Variants in CCNY observed in about 807,000 individuals in gnomAD.
CCNY encodes cyclin-Y.
In CCNY, 19 loss-of-function variants were observed where a neutral mutation model predicts 42.8. That is an observed-to-expected ratio of 0.44 (90% CI 0.31 to 0.65). The LOEUF (loss-of-function observed/expected upper bound fraction) is 0.65, where lower values mean the gene tolerates loss of function less well. Ranked by LOEUF, CCNY falls within the 30% of genes least tolerant of loss-of-function variation. The probability of loss-of-function intolerance (pLI) is 0.07; values close to 1 mark genes in which losing one functional copy is unlikely to be tolerated. For missense variants in CCNY, 370 were observed against 437.3 expected, an observed-to-expected ratio of 0.85 and a Z score of 1.37; for synonymous variants, 165 against 162.7, an observed-to-expected ratio of 1.01 and a Z score of -0.11.
intron 1 of CCNY, among the ~76,000 whole-genome samples, chr10:35,380,108 G>A (rs566537563): frequency 6.6e-6 from 1 of 152,174 alleles, no homozygotes; most frequent in South Asian, 2.1e-4. Context: ...TTTTGGAAGC[G>A]AGTAGGACTT....
chr10:35,396,048 G>A (rs986226463), intron 1 of CCNY, among the ~76,000 whole-genome samples: 3 of 152,138 alleles, frequency 2.0e-5, no homozygotes, highest in Non-Finnish European at 4.4e-5. Context: ...CTCTGTGAAT[G>A]GTGGGCTCCA....
At chr10:35,316,652 C>T (rs1366127242) in intron 3 of CCNY, among the ~76,000 whole-genome samples, 1 of 151,824 alleles carries the variant, frequency 6.6e-6, no homozygotes, top group Non-Finnish European at 1.5e-5. Context: ...GGATATCCAG[C>T]CAAAAAAAAG....
At chr10:35,340,705 T>C (rs1211007259) in intron 1 of CCNY, among the ~76,000 whole-genome samples, 3 of 152,114 alleles carry the variant, frequency 2.0e-5, no homozygotes, top group Non-Finnish European at 2.9e-5. Flanking sequence ...GGTTTCTCCA[T>C]ATTTGTTATA....
intron 1 of CCNY, among the ~76,000 whole-genome samples, chr10:35,342,256 C>T (rs774108814): frequency 5.3e-5 from 8 of 152,336 alleles, no homozygotes; most frequent in Non-Finnish European, 8.8e-5. Context: ...ATCTATTTAA[C>T]ATCACCTCTG....
chr10:35,396,998 G>A (rs1837540418), intron 1 of CCNY, among the ~76,000 whole-genome samples: 1 of 152,206 alleles, frequency 6.6e-6, no homozygotes, highest in South Asian at 2.1e-4. Context: ...AGTTCTGGGG[G>A]CTGGCTCAGA....
chr10:35,519,776 C>A (rs201932682), intron 4 of CCNY, among the ~76,000 whole-genome samples: 1 of 74,660 alleles, frequency 1.3e-5, no homozygotes, highest in Non-Finnish European at 2.4e-5. Flanking sequence ...CTTTTCTTTT[C>A]TTTTTTTTTT....
intron 1 of CCNY, among the ~76,000 whole-genome samples, chr10:35,406,753 C>A (rs1442280608): frequency 6.6e-6 from 1 of 152,224 alleles, no homozygotes; most frequent in Non-Finnish European, 1.5e-5. Flanking sequence ...GGCGCACCTC[C>A]CAGACGGGGT....
intron 1 of CCNY, among the ~76,000 whole-genome samples, chr10:35,377,226 C>A (rs979353074): frequency 2.0e-5 from 3 of 152,154 alleles, no homozygotes; most frequent in Admixed American, 6.5e-5. Context: ...ACAGTAATGT[C>A]CTCAGCCTTC....
At chr10:35,323,363 C>CA (rs1835843310) in intron 3 of CCNY, among the ~76,000 whole-genome samples, 1 of 152,174 alleles carries the variant, frequency 6.6e-6, no homozygotes, top group African/African-American at 2.4e-5. Flanking sequence ...TCATAATAGA[C>CA]AAAACTGGAC....
intron 1 of CCNY, among the ~76,000 whole-genome samples, chr10:35,450,708 T>C (rs984067156): frequency 2.6e-5 from 4 of 152,094 alleles, no homozygotes; most frequent in Non-Finnish European, 4.4e-5. Context: ...TTTTTTTTTT[T>C]CTTTCTCTTT....
intron 1 of CCNY, among the ~76,000 whole-genome samples, chr10:35,465,938 A>AGTGTGTGT (rs1312410028): frequency 0.011 from 877 of 80,900 alleles, 20 homozygotes; most frequent in East Asian, 0.064. Flanking sequence ...AGAGAGAGAG[A>AGTGTGTGT]GTGTGTGTGT....
chr10:35,556,808 C>A (rs114913098), intron 8 of CCNY, among the ~76,000 whole-genome samples: 108 of 151,958 alleles, frequency 7.1e-4, no homozygotes, highest in African/African-American at 2.3e-3. Flanking sequence ...GCCTGTTTAT[C>A]CCTAGAAGTA....
At chr10:35,538,853 G>A (rs558527334) in intron 7 of CCNY, among the ~76,000 whole-genome samples, 7 of 152,236 alleles carry the variant, frequency 4.6e-5, no homozygotes, top group Admixed American at 1.3e-4. Flanking sequence ...AAGAATCATT[G>A]CATAACCCAT....
At chr10:35,454,783 A>G (rs1006860539) in intron 1 of CCNY, among the ~76,000 whole-genome samples, 3 of 152,176 alleles carry the variant, frequency 2.0e-5, no homozygotes, top group African/African-American at 7.2e-5. Context: ...CTCCTTACCA[A>G]GATGCTTCTG....
At chr10:35,301,004 C>T (rs748520633) in intron 3 of CCNY, among the ~76,000 whole-genome samples, 1 of 152,082 alleles carries the variant, frequency 6.6e-6, no homozygotes, top group Non-Finnish European at 1.5e-5. Context: ...GACGAGGTTT[C>T]ACCATGTTGG....
intron 1 of CCNY, among the ~76,000 whole-genome samples, chr10:35,477,280 C>T (rs1258099781): frequency 2.0e-5 from 3 of 152,018 alleles, no homozygotes; most frequent in Non-Finnish European, 4.4e-5. Flanking sequence ...CTCCCTAACT[C>T]ATTTTATGAG....
chr10:35,524,450 CATGT>C (rs1243138758), intron 4 of CCNY, among the ~76,000 whole-genome samples: 2 of 152,174 alleles, frequency 1.3e-5, no homozygotes, highest in African/African-American at 4.8e-5. Context: ...TAGCTACTGT[CATGT>C]TAAGTCACAG....
At chr10:35,477,241 G>A (rs575514932) in intron 1 of CCNY, among the ~76,000 whole-genome samples, 3 of 152,226 alleles carry the variant, frequency 2.0e-5, no homozygotes, top group South Asian at 2.1e-4. Flanking sequence ...CTTCTGAAAC[G>A]ATTCCAATCA....
chr10:35,392,521 A>G (rs1837436422), intron 1 of CCNY, among the ~76,000 whole-genome samples: 1 of 152,252 alleles, frequency 6.6e-6, no homozygotes, highest in South Asian at 2.1e-4. Flanking sequence ...AGAAAGCTTC[A>G]GAGGCATTGG....
Sources: allele counts gnomAD v4.1 joint callset (sites outside exome capture counted in the v4.1 genomes callset), GRCh38; gene constraint gnomAD v4.1.1; transcripts MANE v1.5; gene names NCBI Gene and HGNC (gene_info 2026-07-23, HGNC 2026-07-21).